Variants in KRT8 observed in about 807,000 individuals in gnomAD.
The protein encoded by KRT8 is keratin, type II cytoskeletal 8.
In KRT8, 24 loss-of-function variants were observed where a neutral mutation model predicts 43.0. That is an observed-to-expected ratio of 0.56 (90% CI 0.40 to 0.78). KRT8 has a LOEUF of 0.78. Ranked by LOEUF, KRT8 falls within the 30% of genes least tolerant of loss-of-function variation. The pLI, the probability that KRT8 is intolerant of heterozygous loss-of-function variation, is 0.00. For synonymous variants in KRT8, 214 were observed against 261.2 expected, an observed-to-expected ratio of 0.82 and a Z score of 1.74; for missense variants, 492 against 638.4, an observed-to-expected ratio of 0.77 and a Z score of 2.47.
exon 7 of KRT8, chr12:52,898,491 T>C: frequency 6.2e-7 from 1 of 1,614,034 alleles, no homozygotes; most frequent in Non-Finnish European, 8.5e-7. Context: ...TTCGTATGAA[T>C]ACTCATGTTC....
rs1565725657 is a variant in KRT8, at chr12:52,918,197, A to AAGAAGAAGAAGAAGAAGAAGG, written c.-46-13171_-46-13170insCCTTCTTCTTCTTCTTCTTCT. On this transcript the variant is annotated intron_variant, in intron 2 of 6. Coordinates refer to the KRT8 transcript ENST00000546826. ...GAGGAAGAGGAAGAAGAAGAAGAAG[A>AAGAAGAAGAAGAAGAAGAAGG]AGAAGAACAAGAAGAAGAAGAAGAA... Among the ~76,000 whole-genome samples the AAGAAGAAGAAGAAGAAGAAGG allele has an allele frequency of 7.1e-4, 88 of 123,462 alleles. 7 individuals carry two copies. Among genetic ancestry groups the AAGAAGAAGAAGAAGAAGAAGG allele is most frequent in the Middle Eastern group, 3.8e-3 (1 of 260 alleles). The allele number at this position is 123,462 out of a possible 152,430, so 81.0% of individuals were successfully genotyped here. A position where few individuals can be genotyped will look rare whatever the true frequency, so the allele number is the denominator to read the frequency against.
At chr12:52,920,066 G>A (rs1941852267) in intron 2 of KRT8, among the ~76,000 whole-genome samples, 2 of 152,212 alleles carry the variant, frequency 1.3e-5, no homozygotes, top group African/African-American at 4.8e-5. Context: ...ACCCAAGTCT[G>A]GAGTAATTTT....
intron 2 of KRT8, chr12:52,949,098 G>C: frequency 1.5e-6 from 2 of 1,321,532 alleles, no homozygotes; most frequent in East Asian, 2.5e-5. Context: ...GATATAACTC[G>C]GGTCGCGCGG....
rs1941427985 is a variant in KRT8 at position 52,903,534 on chromosome 12, C to A, written c.324+1124G>T. ...CTCCTCCCGTTCCCACAATGCCTCC[C>A]AGGAGCCAGTCAGCGTGAAGGGCCC... On this transcript the variant is annotated intron_variant, in intron 1 of 7. Coordinates refer to ENST00000692008, the Ensembl canonical transcript of KRT8. The A allele has an allele frequency of 2.0e-5, 3 of 152,246 alleles. No homozygotes were observed. In the South Asian group the frequency reaches 6.2e-4, roughly 31 times the overall value. The allele number at this position is 152,246 out of a possible 1,614,324, so 9.4% of individuals were successfully genotyped here.
chr12:52,901,293 G>A (rs900019128), intron 2 of KRT8, 74 bp from the exon 3 acceptor site: 28 of 1,069,292 alleles, frequency 2.6e-5, no homozygotes, highest in Non-Finnish European at 3.7e-5. Context: ...GGAGACAGGG[G>A]CGTTGTGAAA....
At chr12:52,908,054 C>T (rs1941559820), upstream of KRT8, among the ~76,000 whole-genome samples, 1 of 152,220 alleles carries the variant, frequency 6.6e-6, no homozygotes, top group Non-Finnish European at 1.5e-5. Flanking sequence ...GGAGGAGACA[C>T]TCACTCCCTG....
chr12:52,920,675 G>A (rs563249027), intron 2 of KRT8, among the ~76,000 whole-genome samples: 1 of 152,242 alleles, frequency 6.6e-6, no homozygotes, highest in Admixed American at 6.5e-5. Context: ...CACAGCATTA[G>A]AAAGACATCT....
chr12:52,928,277 C>T (rs1942027674), intron 2 of KRT8, among the ~76,000 whole-genome samples: 1 of 152,120 alleles, frequency 6.6e-6, no homozygotes, highest in African/African-American at 2.4e-5. Flanking sequence ...GCTGGAGTCA[C>T]AGATGACACC....
chr12:52,941,128 G>A (rs574513915), intron 2 of KRT8, among the ~76,000 whole-genome samples: 9 of 149,806 alleles, frequency 6.0e-5, no homozygotes, highest in Non-Finnish European at 1.0e-4. Flanking sequence ...GTGCAATGGC[G>A]CGATCTTGGC....
At chr12:52,948,678 G>C (rs1303123247) in intron 2 of KRT8, 2 of 359,336 alleles carry the variant, frequency 5.6e-6, no homozygotes, top group African/African-American at 4.2e-5. Flanking sequence ...TTTTAGTAGA[G>C]AGGGGGTTTC....
upstream of KRT8, among the ~76,000 whole-genome samples, chr12:52,908,262 G>A (rs1407975567): frequency 6.6e-6 from 1 of 151,868 alleles, no homozygotes; most frequent in African/African-American, 2.4e-5. Context: ...GTCTCGCTCT[G>A]TCACCCAGAC....
chr12:52,916,534 G>C (rs1431780360), intron 2 of KRT8, among the ~76,000 whole-genome samples: 1 of 152,230 alleles, frequency 6.6e-6, no homozygotes, highest in African/African-American at 2.4e-5. Flanking sequence ...CTTGGAGACA[G>C]AGCAGGTTCC....
intron 2 of KRT8, chr12:52,949,259 T>C (rs1942418545): frequency 1.2e-6 from 2 of 1,611,130 alleles, no homozygotes; most frequent in Non-Finnish European, 1.7e-6. Context: ...GCCCGGCCGG[T>C]CAGCAGCGCG....
intron 2 of KRT8, among the ~76,000 whole-genome samples, chr12:52,924,028 G>T (rs553961274): frequency 6.6e-6 from 1 of 151,856 alleles, no homozygotes; most frequent in African/African-American, 2.4e-5. Context: ...TATTTTTTCA[G>T]TAGAGACGGG....
At chr12:52,921,299 C>T (rs145895095) in intron 2 of KRT8, among the ~76,000 whole-genome samples, 38 of 152,292 alleles carry the variant, frequency 2.5e-4, no homozygotes, top group Admixed American at 4.6e-4. Flanking sequence ...TTAAGAGAAG[C>T]TTAAGTAGCA....
upstream of KRT8, chr12:52,906,542 G>A (rs906711476): frequency 2.7e-6 from 1 of 372,414 alleles, no homozygotes; most frequent in Non-Finnish European, 5.4e-6. Flanking sequence ...TGGAGATTGG[G>A]GAGCTGAGCA....
exon 1 of KRT8, chr12:52,904,840 C>T (rs765478121): frequency 1.9e-6 from 3 of 1,612,598 alleles, no homozygotes; most frequent in African/African-American, 1.3e-5. Context: ...CCCAGGCCAC[C>T]GCGAAAGTTG....
At chr12:52,933,603 C>A (rs1174552103) in intron 2 of KRT8, among the ~76,000 whole-genome samples, 25 of 151,948 alleles carry the variant, frequency 1.6e-4, no homozygotes, top group Admixed American at 1.6e-3. Flanking sequence ...CTAGAATAAC[C>A]AAAACAATTT....
At chr12:52,926,379 C>A in intron 2 of KRT8, 1 of 1,469,064 alleles carries the variant, frequency 6.8e-7, no homozygotes, top group South Asian at 1.2e-5. Flanking sequence ...TCCTGAAGCA[C>A]CTCCTTGTCA....
Sources: allele counts gnomAD v4.1 joint callset (sites outside exome capture counted in the v4.1 genomes callset), GRCh38; gene constraint gnomAD v4.1.1; transcripts MANE v1.5; gene names NCBI Gene and HGNC (gene_info 2026-07-23, HGNC 2026-07-21).